FGD5: variants seen among roughly 807,000 people sequenced by gnomAD.
FGD5 encodes FYVE, RhoGEF and PH domain containing 5.
FGD5 carries 28 observed loss-of-function variants against 133.4 expected under a neutral mutation model. The ratio of observed to expected loss-of-function variants is 0.21; its 90% CI spans 0.16 to 0.29. The LOEUF is 0.29. FGD5 is among the 10% of genes least tolerant of loss of function. The probability of loss-of-function intolerance (pLI) is 1.00; values close to 1 mark genes in which losing one functional copy is unlikely to be tolerated. For missense variants in FGD5, 1,858 were observed against 1,895.2 expected (o/e 0.98, Z 0.36); for synonymous variants, 810 against 776.5 (o/e 1.04, Z -0.72).
At chr3:14,932,853 A>G (rs2038922350) in intron 19 of FGD5, 122 bp downstream of exon 19, 3 of 1,174,452 alleles carry the variant, frequency 2.6e-6, no homozygotes, top group Non-Finnish European at 3.7e-6. Flanking sequence ...CCTTTGGGCC[A>G]TAGCAGAACT....
At position 14,907,679 on chromosome 3, in the gene FGD5, C is replaced by G; in HGVS notation, c.3304C>G (p.Arg1102Gly). The G allele has an allele frequency of 6.2e-7, 1 of 1,613,754 alleles. No individual in the cohort carries two copies. ...GCTGGTCCACATTGAGCACAGCGTC[C>G]GGGGCCAAGGGGATCTCCTCCAGCC... The part of the protein sequence containing the change: ...QKLVHIEHSV[R>G]GQGDLLQPGR... The change falls in exon 10 of 20, where the codon CGG becomes GGG. Residue 1102 changes from arginine to glycine, a missense_variant. Coordinates refer to ENST00000285046, the MANE Select transcript of FGD5 (RefSeq NM_152536.4).
rs527329241 is a variant in FGD5 at position 14,932,561 on chromosome 3, C to T, written c.4198-16C>T. On this transcript the variant is annotated splice_polypyrimidine_tract_variant and intron_variant, in intron 18 of 19. Transcript: ENST00000285046. ...GTGTGGTGTTTAATGTCAATTTTTCCTTCTGTCCTCTGCAGGACAAAGTGG... is the reference window on the plus strand; with the variant it reads ...GTGTGGTGTTTAATGTCAATTTTTCTTTCTGTCCTCTGCAGGACAAAGTGG... 121 of 1,605,466 alleles carry T rather than the reference C, an allele frequency of 7.5e-5. 3 individuals are homozygous for T. In the South Asian group the frequency reaches 1.3e-3, roughly 17 times the overall value.
chr3:14,933,260 C>A lies in FGD5; in HGVS notation c.*93C>A. On this transcript the variant is annotated 3_prime_UTR_variant, in exon 20 of 20. Transcript: ENST00000285046. ...CTGTGGCTCAACTCATCCGGACACA[C>A]ACCTGGATTCAGCAATGAGGCCTGA... The A allele has an allele frequency of 7.0e-7, 1 of 1,431,684 alleles. No individual in the cohort carries two copies. The highest frequency in any genetic ancestry group is 9.7e-7 in the Non-Finnish European group (1 of 1,033,402). 88.7% of individuals were successfully genotyped at this position (1,431,684 alleles called of 1,614,324 possible).
In FGD5 at chr3:14,923,251, C is replaced by G. The variant is rs985197750; in HGVS notation, c.3937+76C>G. ...CAGGCTCCAGTGGCTTCTCTGTGGT[C>G]CATGGTTCATGCCTGAAACCGCTTT... On this transcript the variant is annotated intron_variant, in intron 16 of 19. Transcript: ENST00000285046. The G allele has an allele frequency of 2.0e-6, 3 of 1,534,986 alleles. No individual in the cohort carries two copies. The African/African-American group carries it at 4.1e-5, about 21-fold the overall frequency.
intron 5 of FGD5, 28 bp downstream of exon 5, chr3:14,897,697 C>T: frequency 6.4e-7 from 1 of 1,567,720 alleles, no homozygotes; most frequent in Non-Finnish European, 8.6e-7. Context: ...CCCCGGGTTC[C>T]ACTTTTGTTG....
At chr3:14,866,411 T>C (rs1190464506) in intron 2 of FGD5, among the ~76,000 whole-genome samples, 1 of 152,094 alleles carries the variant, frequency 6.6e-6, no homozygotes, top group Non-Finnish European at 1.5e-5. Context: ...TCTGGGGCCC[T>C]GGACATTGGC....
chr3:14,907,320 G>A (rs1017314610), intron 9 of FGD5, among the ~76,000 whole-genome samples: 6 of 152,200 alleles, frequency 3.9e-5, no homozygotes, highest in Admixed American at 6.5e-5. Flanking sequence ...CCTTGGGTCC[G>A]ATGAAGTCCC....
rs143260565 is a variant in FGD5 at position 14,880,965 on chromosome 3, G to A, written c.2748+193G>A. On this transcript the variant is annotated intron_variant, in intron 4 of 19. Coordinates refer to ENST00000285046, the MANE Select transcript of FGD5 (RefSeq NM_152536.4). ...GCTTCCGGGGGCAGACAGCGGATGC[G>A]TCTCCTTGCTCAGGGATGGGGTGCA... Among the ~76,000 whole-genome samples, 118 of 152,312 alleles carry A rather than the reference G, an allele frequency of 7.7e-4. 1 individual carries two copies. The highest frequency in any genetic ancestry group is 2.5e-3 in the African/African-American group (105 of 41,564).
chr3:14,897,426 C>T, intron 4 of FGD5, 83 bp from the exon 5 acceptor site: 4 of 1,506,854 alleles, frequency 2.7e-6, no homozygotes, highest in Non-Finnish European at 3.6e-6. Context: ...GGCCAGGGCT[C>T]CAAAGCCCCA....
chr3:14,821,704 T>C, intron 1 of FGD5, 108 bp downstream of exon 1: 1 of 1,411,994 alleles, frequency 7.1e-7, no homozygotes, highest in Non-Finnish European at 9.3e-7. Flanking sequence ...GCTCTGTTTC[T>C]TACTAGCTGT....
In FGD5 at chr3:14,924,012, G is replaced by T; in HGVS notation, c.3942G>T (p.Arg1314=). The T allele has an allele frequency of 6.2e-7, 1 of 1,613,902 alleles. No individual in the cohort carries two copies. Among genetic ancestry groups the T allele is most frequent in the Admixed American group, 1.7e-5 (1 of 60,024 alleles). Reference sequence around the variant, plus strand: ...TGTGGCTTCTTTCAGTTACAGAGCGGCCTGTGAGCATGAGCTTCCCGCTGT... The same window carrying T: ...TGTGGCTTCTTTCAGTTACAGAGCGTCCTGTGAGCATGAGCTTCCCGCTGT... ...GRAVPGLMRE[R]PVSMSFPLSS... Residue 1314 remains arginine, a synonymous_variant, in exon 17 of 20, where the codon CGG becomes CGT. Coordinates refer to ENST00000285046, the MANE Select transcript of FGD5 (RefSeq NM_152536.4).
At chr3:14,829,000 G>T (rs1300833448) in intron 1 of FGD5, among the ~76,000 whole-genome samples, 3 of 151,862 alleles carry the variant, frequency 2.0e-5, no homozygotes, top group Non-Finnish European at 4.4e-5. Flanking sequence ...CACTATATTG[G>T]CCAGGCTGGT....
intron 4 of FGD5, among the ~76,000 whole-genome samples, chr3:14,891,027 C>A (rs1177943762): frequency 6.6e-6 from 1 of 152,226 alleles, no homozygotes; most frequent in Non-Finnish European, 1.5e-5. Flanking sequence ...CAGCCCAGAA[C>A]AAATGAGAGT....
At chr3:14,815,048 C>G (rs1305530674), upstream of FGD5, among the ~76,000 whole-genome samples, 1 of 152,158 alleles carries the variant, frequency 6.6e-6, no homozygotes, top group Non-Finnish European at 1.5e-5. Context: ...GGTCTCCCTG[C>G]TTTCTTCCTC....
chr3:14,860,835 G>C (rs1211930981), intron 1 of FGD5, among the ~76,000 whole-genome samples: 2 of 151,628 alleles, frequency 1.3e-5, no homozygotes, highest in Non-Finnish European at 2.9e-5. Flanking sequence ...AAAATTAGCT[G>C]AACATGGTGG....
rs1321577817 is a variant in FGD5 at position 14,821,045 on chromosome 3, A to G, written c.1974A>G (p.Ala658=). 1.3e-5 allele frequency: 21 copies of G among 1,613,814 alleles called. No individual in the cohort carries two copies. Among genetic ancestry groups the G allele is most frequent in the Non-Finnish European group, 1.4e-5 (17 of 1,179,892 alleles). The change falls in exon 1 of 20, where the codon GCA becomes GCG. Residue 658 remains alanine, a synonymous_variant. Transcript: ENST00000285046. ...KKKSSFKRFL[A]LTFKKKTENK... ...AGTCATCCTTTAAGCGCTTCCTGGC[A>G]CTGACGTTTAAGAAGAAGACGGAGA... is the stretch of plus-strand genomic sequence containing the variant.
At chr3:14,870,827 G>A (rs547130299) in intron 2 of FGD5, among the ~76,000 whole-genome samples, 10 of 152,078 alleles carry the variant, frequency 6.6e-5, no homozygotes, top group Non-Finnish European at 1.2e-4. Flanking sequence ...CCCATCCCCG[G>A]CCTGCCTGCT....
At position 14,821,163 on chromosome 3, in the gene FGD5, A is replaced by G; in HGVS notation, c.2092A>G (p.Arg698Gly). The change falls in exon 1 of 20, where the codon AGA becomes GGA. Residue 698 changes from arginine to glycine, a missense_variant. Coordinates refer to ENST00000285046, the MANE Select transcript of FGD5 (RefSeq NM_152536.4). ...TTCCAGGATTCTGGAAGTTGACCGG[A>G]GAAGCCTCAGCAACTCCCCTCAGCT... ...GPSRILEVDR[R>G]SLSNSPQLKS... The G allele has an allele frequency of 6.2e-7, 1 of 1,613,922 alleles. No homozygotes were observed. Among genetic ancestry groups the G allele is most frequent in the Non-Finnish European group, 8.5e-7 (1 of 1,179,876 alleles).
chr3:14,832,277 CATAGAG>C (rs2036726244), intron 1 of FGD5, among the ~76,000 whole-genome samples: 1 of 152,200 alleles, frequency 6.6e-6, no homozygotes, highest in African/African-American at 2.4e-5. Context: ...TAAGAGGCTT[CATAGAG>C]CTCTCCCTGC....
Sources: allele counts gnomAD v4.1 joint callset (sites outside exome capture counted in the v4.1 genomes callset), GRCh38; gene constraint gnomAD v4.1.1; transcripts MANE v1.5; gene names NCBI Gene and HGNC (gene_info 2026-07-23, HGNC 2026-07-21).